The following PAX5 variants were observed in gnomAD, a reference collection of about 807,000 sequenced individuals.
PAX5 encodes paired box 5.
In PAX5, 9 loss-of-function variants were observed where a neutral mutation model predicts 43.7. The observed-to-expected ratio is 0.21, with a 90% CI of 0.12 to 0.36. The LOEUF (loss-of-function observed/expected upper bound fraction) is 0.36. PAX5 is among the 10% of genes least tolerant of loss of function. The probability of loss-of-function intolerance (pLI) is 1.00; values close to 1 mark genes in which losing one functional copy is unlikely to be tolerated. For missense variants in PAX5, 383 were observed against 532.7 expected, an observed-to-expected ratio of 0.72 and a Z score of 2.77; for synonymous variants, 228 against 214.3, an observed-to-expected ratio of 1.06 and a Z score of -0.56.
At chr9:36,919,714 G>A (rs1007836639) in intron 7 of PAX5, among the ~76,000 whole-genome samples, 1 of 151,882 alleles carries the variant, frequency 6.6e-6, no homozygotes, top group African/African-American at 2.4e-5. Flanking sequence ...GGTGGTGGGT[G>A]CCTGTAATCC....
At chr9:36,845,690 G>A (rs1190667951) in intron 9 of PAX5, among the ~76,000 whole-genome samples, 22 of 152,158 alleles carry the variant, frequency 1.4e-4, no homozygotes, top group Admixed American at 1.4e-3. Context: ...GAGAGAAGTG[G>A]TTTCCATACT....
At chr9:37,007,970 C>A (rs773014586) in intron 3 of PAX5, 10 of 152,250 alleles carry the variant, frequency 6.6e-5, no homozygotes, top group Non-Finnish European at 1.0e-4. Context: ...ACCTCCGCCT[C>A]CCAGGTTTGA....
chr9:36,956,175 C>G (rs1174805100), intron 6 of PAX5, among the ~76,000 whole-genome samples: 1 of 152,178 alleles, frequency 6.6e-6, no homozygotes, highest in Non-Finnish European at 1.5e-5. Flanking sequence ...CTTTATGCCA[C>G]ACAACACAGC....
intron 8 of PAX5, among the ~76,000 whole-genome samples, chr9:36,870,563 A>G (rs1304282979): frequency 2.0e-5 from 3 of 152,262 alleles, no homozygotes; most frequent in African/African-American, 7.2e-5. Flanking sequence ...CAATGTTACA[A>G]TTTGTAAACA....
intron 3 of PAX5, among the ~76,000 whole-genome samples, chr9:37,011,075 T>C (rs1050667863): frequency 1.3e-5 from 2 of 150,674 alleles, no homozygotes; most frequent in African/African-American, 2.4e-5. Flanking sequence ...GAACCATGAT[T>C]GTGCCTCTGC....
intron 6 of PAX5, among the ~76,000 whole-genome samples, chr9:36,963,464 A>G (rs761088323): frequency 5.3e-5 from 8 of 152,102 alleles, no homozygotes; most frequent in Non-Finnish European, 8.8e-5. Context: ...ACACCTCATC[A>G]GGACCCTCTG....
intron 7 of PAX5, among the ~76,000 whole-genome samples, chr9:36,890,312 C>A (rs1257591252): frequency 6.6e-6 from 1 of 152,178 alleles, no homozygotes; most frequent in Admixed American, 6.5e-5. Flanking sequence ...CCGAGAGGGT[C>A]TGCCAGCCTT....
intron 7 of PAX5, among the ~76,000 whole-genome samples, chr9:36,905,324 T>C (rs1237816886): frequency 1.3e-5 from 2 of 152,230 alleles, no homozygotes; most frequent in Non-Finnish European, 2.9e-5. Flanking sequence ...CTTTCTTTCA[T>C]GTGCACTTCA....
intron 3 of PAX5, among the ~76,000 whole-genome samples, chr9:37,014,210 A>G (rs1378450109): frequency 6.6e-6 from 1 of 152,332 alleles, no homozygotes; most frequent in Middle Eastern, 3.4e-3. Flanking sequence ...TAAAGCTCTG[A>G]GAGCGCCCTT....
At chr9:36,952,429 G>A (rs1009250537) in intron 6 of PAX5, among the ~76,000 whole-genome samples, 1 of 151,596 alleles carries the variant, frequency 6.6e-6, no homozygotes, top group Non-Finnish European at 1.5e-5. Flanking sequence ...TAGTAGAGAC[G>A]GGGTTTCAAT....
intron 2 of PAX5, among the ~76,000 whole-genome samples, chr9:37,019,250 C>T (rs1260732100): frequency 2.6e-5 from 4 of 152,158 alleles, no homozygotes; most frequent in Non-Finnish European, 4.4e-5. Context: ...TCTCTGTCTT[C>T]GACTTTTCTT....
chr9:36,865,305 C>T (rs1247768841), intron 8 of PAX5, among the ~76,000 whole-genome samples: 1 of 152,176 alleles, frequency 6.6e-6, no homozygotes, highest in Non-Finnish European at 1.5e-5. Context: ...CCCTCTTGTC[C>T]CCCAGTAGTC....
rs548424092 is a variant in PAX5, at chr9:36,912,947, G to A, written c.910+10408C>T. 3.3e-5 allele frequency among the ~76,000 whole-genome samples: 5 copies of A among 152,334 alleles called. No individual in the cohort carries two copies. The South Asian group carries it at 1.0e-3, about 32-fold the overall frequency. On this transcript the variant is annotated intron_variant, in intron 7 of 9. Transcript: ENST00000358127. ...TTGGAGAGAAGAGGATGACCAATGT[G>A]TCCAAAGACAGGACCAGTTAGGTGC...
rs116292675 is a variant in PAX5, at chr9:36,901,828, G to C, written c.911-19723C>G. ...TAAAACGAGGGTCAAGTCTTTCCCT[G>C]CTGCCCTCCCAAGATGGTAGGAGGA... On this transcript the variant is annotated intron_variant, in intron 7 of 9. Transcript: ENST00000358127. Among the ~76,000 whole-genome samples the C allele has an allele frequency of 4.1e-3, 625 of 152,258 alleles. 5 individuals are homozygous for C. Among genetic ancestry groups the C allele is most frequent in the African/African-American group, 0.014 (601 of 41,536 alleles).
At chr9:36,844,294 C>T (rs1332518399) in intron 9 of PAX5, among the ~76,000 whole-genome samples, 1 of 152,188 alleles carries the variant, frequency 6.6e-6, no homozygotes, top group African/African-American at 2.4e-5. Context: ...ACATCACATA[C>T]TGGTTCCAGA....
chr9:36,989,243 G>A (rs1420002570), intron 5 of PAX5, among the ~76,000 whole-genome samples: 1 of 152,204 alleles, frequency 6.6e-6, no homozygotes, highest in Non-Finnish European at 1.5e-5. Flanking sequence ...GCCCCATGTT[G>A]GAGAGAGCTG....
In PAX5 at chr9:37,006,439, A is replaced by C. The variant is rs547794481; in HGVS notation, c.475+34T>G. 2.7e-6 allele frequency: 4 copies of C among 1,496,950 alleles called. No homozygotes were observed. In the South Asian group the frequency reaches 4.5e-5, roughly 17 times the overall value. 92.7% of individuals were successfully genotyped at this position (1,496,950 alleles called of 1,614,324 possible). A position where few individuals can be genotyped will look rare whatever the true frequency, so the allele number is the denominator to read the frequency against. On this transcript the variant is annotated intron_variant, in intron 4 of 9. Transcript: ENST00000358127. The stretch of plus-strand genomic sequence containing the variant: ...TTCTTTAGAATATTTGGAGCCCATT[A>C]GATTTTTAAATTTTTTTTAAAAGTT...
chr9:36,983,969 A>G (rs1836158585), intron 5 of PAX5, among the ~76,000 whole-genome samples: 1 of 152,228 alleles, frequency 6.6e-6, no homozygotes, highest in African/African-American at 2.4e-5. Context: ...AAATAAATGT[A>G]CTTCCTTGAT....
At chr9:36,876,404 A>G (rs890360713) in intron 8 of PAX5, among the ~76,000 whole-genome samples, 2 of 152,282 alleles carry the variant, frequency 1.3e-5, no homozygotes, top group African/African-American at 4.8e-5. Flanking sequence ...CTGGTGGGCC[A>G]TGAGGGATGG....
Sources: gnomAD v4.1 joint callset for allele counts (sites outside exome capture counted in the v4.1 genomes callset) on GRCh38, gnomAD v4.1.1 for gene constraint, MANE v1.5 for transcripts, NCBI Gene and HGNC (gene_info 2026-07-23, HGNC 2026-07-21) for gene names.